Variants in CDK17 observed in about 807,000 individuals in gnomAD.
The protein encoded by CDK17 is cyclin-dependent kinase 17.
A neutral mutation model predicts 77.6 loss-of-function variants in CDK17; 24 were observed. That is an observed-to-expected ratio of 0.31 (90% CI 0.22 to 0.44). CDK17 has a LOEUF of 0.44. Ranked by LOEUF, CDK17 falls within the 20% of genes least tolerant of loss-of-function variation. The pLI, the probability that CDK17 is intolerant of heterozygous loss-of-function variation, is 1.00. For missense variants in CDK17, 429 were observed against 622.5 expected (o/e 0.69, Z 3.31); for synonymous variants, 203 against 210.4 (o/e 0.96, Z 0.30).
chr12:96,354,116 G>C (rs1953359292), intron 1 of CDK17, among the ~76,000 whole-genome samples: 2 of 152,170 alleles, frequency 1.3e-5, no homozygotes, highest in Non-Finnish European at 2.9e-5. Flanking sequence ...AGAAACATTA[G>C]AGACAACCTG....
intron 5 of CDK17, among the ~76,000 whole-genome samples, chr12:96,302,702 ATAC>A: frequency 6.6e-6 from 1 of 152,300 alleles, no homozygotes; most frequent in Middle Eastern, 3.4e-3. Context: ...AAATGAATGA[ATAC>A]TACTATGTTC....
chr12:96,345,624 A>G (rs1953195743), intron 1 of CDK17, among the ~76,000 whole-genome samples: 1 of 152,220 alleles, frequency 6.6e-6, no homozygotes. Flanking sequence ...ATAAAAAGGT[A>G]ATCTGTGACA....
At chr12:96,288,426 C>T (rs569860584) in intron 11 of CDK17, among the ~76,000 whole-genome samples, 7 of 152,024 alleles carry the variant, frequency 4.6e-5, no homozygotes, top group Non-Finnish European at 8.8e-5. Context: ...GTTAGAGCAC[C>T]GGAGTGGGCA....
intron 1 of CDK17, among the ~76,000 whole-genome samples, chr12:96,349,281 C>T (rs1953274766): frequency 1.3e-5 from 2 of 152,002 alleles, no homozygotes. Flanking sequence ...TGGTGAAACC[C>T]CGTCTCTACT....
At chr12:96,328,766 C>T (rs1952925643) in intron 2 of CDK17, among the ~76,000 whole-genome samples, 1 of 152,014 alleles carries the variant, frequency 6.6e-6, no homozygotes, top group South Asian at 2.1e-4. Context: ...ATCTAGAGAT[C>T]CAGATGAAGA....
At chr12:96,359,454 T>C (rs1383949177) in intron 1 of CDK17, among the ~76,000 whole-genome samples, 5 of 152,210 alleles carry the variant, frequency 3.3e-5, no homozygotes, top group African/African-American at 4.8e-5. Flanking sequence ...GAGCTGCTAC[T>C]ATGGCAAGAG....
At chr12:96,396,424 T>G (rs1355136043) in intron 1 of CDK17, among the ~76,000 whole-genome samples, 1 of 152,220 alleles carries the variant, frequency 6.6e-6, no homozygotes, top group African/African-American at 2.4e-5. Context: ...CATTGTAGAT[T>G]GAATGCTAGT....
At chr12:96,301,223 C>G (rs115817608) in intron 5 of CDK17, among the ~76,000 whole-genome samples, 2 of 144,022 alleles carry the variant, frequency 1.4e-5, no homozygotes, top group Non-Finnish European at 3.0e-5. Flanking sequence ...CTGGCTACAC[C>G]CCCCCTCAAC....
intron 1 of CDK17, among the ~76,000 whole-genome samples, chr12:96,370,183 T>C (rs1431090125): frequency 2.6e-5 from 4 of 152,230 alleles, no homozygotes; most frequent in Admixed American, 6.5e-5. Flanking sequence ...TGTCAGGCAA[T>C]GTTTTCTTCC....
intron 1 of CDK17, among the ~76,000 whole-genome samples, chr12:96,364,761 T>C (rs1953556463): frequency 6.6e-6 from 1 of 152,238 alleles, no homozygotes; most frequent in Admixed American, 6.5e-5. Context: ...TTTTTCTCTA[T>C]GTTTCACAAA....
intron 16 of CDK17, 172 bp downstream of exon 16, chr12:96,280,636 G>GC: frequency 1.4e-6 from 2 of 1,424,852 alleles, no homozygotes; most frequent in South Asian, 3.2e-5. Context: ...TTACTGAGCT[G>GC]CCCACATCAT....
intron 1 of CDK17, among the ~76,000 whole-genome samples, chr12:96,350,269 T>C (rs1357167333): frequency 6.6e-6 from 1 of 151,768 alleles, no homozygotes; most frequent in African/African-American, 2.4e-5. Flanking sequence ...TGGTCTAAAA[T>C]TTGTTCCGGT....
chr12:96,369,487 A>G (rs1195973482), intron 1 of CDK17, among the ~76,000 whole-genome samples: 2 of 152,158 alleles, frequency 1.3e-5, no homozygotes, highest in Non-Finnish European at 2.9e-5. Flanking sequence ...TTCTTTTTAA[A>G]AAAATGTTGG....
At position 96,289,181 on chromosome 12, in the gene CDK17, T is replaced by G; in HGVS notation, c.1104A>C (p.Thr368=). The stretch of plus-strand genomic sequence containing the variant: ...TATATATTTACCACATGTCAATCTG[T>G]GTTGAGTACTCCGAGGAACCAAGAA... ...DVLLGSSEYS[T]QIDMWGVGCI... Residue 368 remains threonine (T), a synonymous_variant, in exon 11 of 17, where the codon ACA becomes ACC. Transcript: ENST00000261211. 4 of 1,613,920 alleles carry G rather than the reference T, an allele frequency of 2.5e-6. No homozygotes were observed. Among genetic ancestry groups the G allele is most frequent in the African/African-American group, 1.3e-5 (1 of 75,028 alleles).
rs559454896 is a variant in CDK17, at chr12:96,291,159, T to C, written c.998-1872A>G. ...AAAAAAGGAAGAAATAGAGACAGAA[T>C]TGAATATACTATCTCATGGAATAAT... is the stretch of plus-strand genomic sequence containing the variant. On this transcript the variant is annotated intron_variant, in intron 10 of 16. Coordinates refer to ENST00000261211, the MANE Select transcript of CDK17 (RefSeq NM_002595.5). Among the ~76,000 whole-genome samples the C allele has an allele frequency of 2.3e-4, 34 of 150,188 alleles. No individual in the cohort carries two copies. In the South Asian group the frequency reaches 7.1e-3, roughly 31 times the overall value.
At chr12:96,394,500 A>C (rs1470777116) in intron 1 of CDK17, among the ~76,000 whole-genome samples, 2 of 152,172 alleles carry the variant, frequency 1.3e-5, no homozygotes, top group African/African-American at 4.8e-5. Context: ...ATGCATAAAA[A>C]GAAACAAAAA....
At chr12:96,346,571 T>G (rs1953214258) in intron 1 of CDK17, among the ~76,000 whole-genome samples, 1 of 149,842 alleles carries the variant, frequency 6.7e-6, no homozygotes, top group South Asian at 2.1e-4. Context: ...CAGCTTGCAG[T>G]GAGCCAAGAT....
intron 1 of CDK17, among the ~76,000 whole-genome samples, chr12:96,343,149 G>C (rs1452537752): frequency 6.6e-6 from 1 of 152,172 alleles, no homozygotes; most frequent in Non-Finnish European, 1.5e-5. Context: ...TGTCAGAGAA[G>C]AATGCTCTAG....
chr12:96,395,839 G>A (rs1027018964), intron 1 of CDK17, among the ~76,000 whole-genome samples: 1 of 152,172 alleles, frequency 6.6e-6, no homozygotes, highest in African/African-American at 2.4e-5. Context: ...AGACAGGGAG[G>A]AAAGGACTTA....
Sources: gnomAD v4.1 joint callset for allele counts (sites outside exome capture counted in the v4.1 genomes callset) on GRCh38, gnomAD v4.1.1 for gene constraint, MANE v1.5 for transcripts, NCBI Gene and HGNC (gene_info 2026-07-23, HGNC 2026-07-21) for gene names.